The following ZNF248 variants were observed in gnomAD, a reference collection of about 807,000 sequenced individuals.
ZNF248 encodes the protein KRAB protein domain.
In ZNF248, 20 loss-of-function variants were observed where a neutral mutation model predicts 44.3. The observed-to-expected ratio is 0.45, with a 90% CI of 0.32 to 0.66. ZNF248 has a LOEUF of 0.66. ZNF248 is among the 30% of genes least tolerant of loss of function. The pLI is 0.04. For missense variants in ZNF248, 654 were observed against 677.0 expected (o/e 0.97, Z 0.38); for synonymous variants, 224 against 229.0 (o/e 0.98, Z 0.20).
chr10:37,816,070 A>C (rs1352367035), intron 6 of ZNF248, among the ~76,000 whole-genome samples: 1 of 151,854 alleles, frequency 6.6e-6, no homozygotes, highest in Non-Finnish European at 1.5e-5. Flanking sequence ...AATTTACTTC[A>C]TCTAAAACAT....
chr10:37,830,146 C>T lies in ZNF248; in HGVS notation c.*1469G>A. 1 of 985,376 alleles carries T rather than the reference C, an allele frequency of 1.0e-6. No homozygotes were observed. The highest frequency in any genetic ancestry group is 1.2e-6 in the Non-Finnish European group (1 of 829,926). 61.0% of individuals were successfully genotyped at this position (985,376 alleles called of 1,614,324 possible). On this transcript the variant is annotated 3_prime_UTR_variant, in exon 6 of 6. Transcript: ENST00000395867. ...GAAAAATCAAGGATATCAAAAGGGC[C>T]TTTCATTACATACCGCCACTTTTTG... is the stretch of plus-strand genomic sequence containing the variant.
In ZNF248 at chr10:37,831,076, G is replaced by T. The variant is rs2055492633; in HGVS notation, c.*539C>A. 3 of 1,312,594 alleles carry T rather than the reference G, an allele frequency of 2.3e-6. No individual in the cohort carries two copies. The highest frequency in any genetic ancestry group is 1.5e-5 in the African/African-American group (1 of 66,846). 81.3% of individuals were successfully genotyped at this position (1,312,594 alleles called of 1,614,324 possible). A position where few individuals can be genotyped will look rare whatever the true frequency, so the allele number is the denominator to read the frequency against. ...TATGTACATACACATATATAATTAT[G>T]TCAACCTATAAAGACACCAATGGTA... On this transcript the variant is annotated 3_prime_UTR_variant, in exon 6 of 6. Coordinates refer to ENST00000395867, the MANE Select transcript of ZNF248 (RefSeq NM_021045.3).
intron 6 of ZNF248, chr10:37,820,710 T>A: frequency 7.4e-7 from 1 of 1,354,384 alleles, no homozygotes; most frequent in African/African-American, 1.4e-5. Context: ...TCTTTATCAC[T>A]CAAGGATCCC....
At chr10:37,786,034 G>A (rs1589052088) in intron 6 of ZNF248, among the ~76,000 whole-genome samples, 1 of 152,168 alleles carries the variant, frequency 6.6e-6, no homozygotes, top group East Asian at 1.9e-4. Flanking sequence ...GGTCCCATGA[G>A]TGTTCACACA....
intron 6 of ZNF248, chr10:37,795,641 T>A (rs1431990662): frequency 1.3e-5 from 2 of 152,202 alleles, no homozygotes; most frequent in Non-Finnish European, 2.9e-5. Flanking sequence ...TTGATTGTAT[T>A]CATGAGGTTT....
At position 37,832,229 on chromosome 10, in the gene ZNF248, C is replaced by G; in HGVS notation, c.1126G>C (p.Gly376Arg). Reference sequence around the variant, plus strand: ...TCACCACATTCAAAGGTTTTTTCTCCTGTGTGAGCTCTCCGAAGCTGGGTA... The same window carrying G: ...TCACCACATTCAAAGGTTTTTTCTCGTGTGTGAGCTCTCCGAAGCTGGGTA... ...HLTQLRRAHT[G>R]EKTFECGECG... Residue 376 changes from glycine (G) to arginine (R), a missense_variant, in exon 6 of 6, where the codon GGA (glycine) becomes CGA (arginine). Physicochemically the swap from Gly to Arg is moderately radical, Grantham distance 125. Coordinates refer to ENST00000395867, the MANE Select transcript of ZNF248 (RefSeq NM_021045.3). 1 of 1,614,044 alleles carries G rather than the reference C, an allele frequency of 6.2e-7. No homozygotes were observed. The highest frequency in any genetic ancestry group is 8.5e-7 in the Non-Finnish European group (1 of 1,179,942).
intron 3 of ZNF248, among the ~76,000 whole-genome samples, chr10:37,844,147 A>C (rs865795665): frequency 3.9e-5 from 6 of 152,190 alleles, no homozygotes; most frequent in Non-Finnish European, 7.4e-5. Context: ...GCCAAATAAC[A>C]ACCACAGAGG....
At chr10:37,805,262 C>T (rs1208685) in intron 6 of ZNF248, among the ~76,000 whole-genome samples, 9,132 of 152,178 alleles carry the variant, frequency 0.06, 351 homozygotes, top group Middle Eastern at 0.095. Context: ...GAGTATACTA[C>T]TGAGTTGCCA....
chr10:37,814,030 A>G (rs1040594016), intron 6 of ZNF248, among the ~76,000 whole-genome samples: 5 of 152,198 alleles, frequency 3.3e-5, no homozygotes, highest in Non-Finnish European at 2.9e-5. Flanking sequence ...ATAACCAAAA[A>G]TGAAGGATCT....
chr10:37,809,897 T>C (rs993661779), intron 6 of ZNF248, among the ~76,000 whole-genome samples: 30 of 152,246 alleles, frequency 2.0e-4, no homozygotes, highest in Non-Finnish European at 3.7e-4. Context: ...TCGTAGAATA[T>C]ACTTTGTATA....
At chr10:37,821,479 TA>T (rs1243426971) in intron 6 of ZNF248, among the ~76,000 whole-genome samples, 1 of 152,170 alleles carries the variant, frequency 6.6e-6, no homozygotes, top group Non-Finnish European at 1.5e-5. Flanking sequence ...GTCCAGCTCT[TA>T]CTAGACGGCC....
chr10:37,805,284 T>C (rs2050394088), intron 6 of ZNF248, among the ~76,000 whole-genome samples: 2 of 152,094 alleles, frequency 1.3e-5, no homozygotes, highest in Non-Finnish European at 2.9e-5. Flanking sequence ...TGTAATTCAA[T>C]AGGAAAAGAT....
chr10:37,854,133 T>C (rs2060838054), intron 3 of ZNF248, among the ~76,000 whole-genome samples: 1 of 152,166 alleles, frequency 6.6e-6, no homozygotes, highest in Non-Finnish European at 1.5e-5. Flanking sequence ...ATAAAATGCA[T>C]AAAAGTATTA....
At chr10:37,793,782 T>C (rs527591209) in intron 6 of ZNF248, among the ~76,000 whole-genome samples, 6 of 152,338 alleles carry the variant, frequency 3.9e-5, no homozygotes, top group African/African-American at 1.4e-4. Flanking sequence ...CTTTTCCGTG[T>C]ATATATGCGT....
chr10:37,759,104 G>A, the ZNF248 span, among the ~76,000 whole-genome samples: 2 of 152,202 alleles, frequency 1.3e-5, no homozygotes, highest in Non-Finnish European at 2.9e-5. Context: ...AGGTTAACAT[G>A]CAGCCCTGAT....
chr10:37,838,107 T>G lies in ZNF248; in HGVS notation c.20A>C (p.Gln7Pro), dbSNP rs2057594435. 6.2e-7 allele frequency: 1 copy of G among 1,612,260 alleles called. No homozygotes were observed. The highest frequency in any genetic ancestry group is 8.5e-7 in the Non-Finnish European group (1 of 1,179,070). Residue 7 changes from glutamine (Q) to proline (P), a missense_variant, in exon 4 of 6, where the codon CAA becomes CCA. Gln to Pro is a moderately conservative substitution (Grantham distance 76, BLOSUM62 -1). Transcript: ENST00000395867. MNKSQE[Q>P]VSFKDVCVDF... ...CACACATACATCCTTGAATGACACT[T>G]GTTCCTGTAATAGTATACTCTTTTT...
In ZNF248 at chr10:37,821,211, T is replaced by C. The variant is rs573857821; in HGVS notation, c.330+11814A>G. Among the ~76,000 whole-genome samples, 12 of 147,232 alleles carry C rather than the reference T, an allele frequency of 8.2e-5. No individual in the cohort carries two copies. The South Asian group carries it at 2.5e-3, about 30-fold the overall frequency. ...CATCTAGAAATAACTCCTAAGCAACTACAAAAATGACATACCTATTGGTTG... is the reference window on the plus strand; with the variant it reads ...CATCTAGAAATAACTCCTAAGCAACCACAAAAATGACATACCTATTGGTTG... On this transcript the variant is annotated intron_variant, in intron 6 of 6. Coordinates refer to the ZNF248 transcript ENST00000615949.
the ZNF248 span, among the ~76,000 whole-genome samples, chr10:37,770,482 T>A: frequency 6.6e-6 from 1 of 152,268 alleles, no homozygotes; most frequent in East Asian, 1.9e-4. Context: ...TCTACAACCA[T>A]CTGATCTTTG....
chr10:37,831,054 G>A lies in ZNF248; in HGVS notation c.*561C>T, dbSNP rs1012140128. ...TATTTACATATACACACAAACATAT[G>A]TACATACACATATATAATTATGTCA... On this transcript the variant is annotated 3_prime_UTR_variant, in exon 6 of 6. Transcript: ENST00000395867. 1.2e-5 allele frequency: 14 copies of A among 1,206,694 alleles called. No individual in the cohort carries two copies. The African/African-American group carries it at 2.2e-4, about 19-fold the overall frequency. The allele number at this position is 1,206,694 out of a possible 1,614,324, so 74.7% of individuals were successfully genotyped here.
Sources: allele counts gnomAD v4.1 joint callset (sites outside exome capture counted in the v4.1 genomes callset), GRCh38; gene constraint gnomAD v4.1.1; transcripts MANE v1.5; gene names NCBI Gene and HGNC (gene_info 2026-07-23, HGNC 2026-07-21).